CFAP46: variants seen among roughly 807,000 people sequenced by gnomAD.
CFAP46 encodes the protein cilia- and flagella-associated protein 46.
Under a neutral mutation model 325.7 loss-of-function variants are expected in CFAP46, and 245 were observed. That is an observed-to-expected ratio of 0.75 (90% CI 0.68 to 0.84). The LOEUF is 0.84. Among genes scored for constraint, CFAP46 ranks in the 40% least tolerant of loss-of-function variants. The pLI is 0.00. For synonymous variants in CFAP46, 1,523 were observed against 1,495.9 expected, an observed-to-expected ratio of 1.02 and a Z score of -0.42; for missense variants, 3,346 against 3,543.0, an observed-to-expected ratio of 0.94 and a Z score of 1.41.
chr10:132,931,979 C>G (rs373673472), intron 8 of CFAP46, among the ~76,000 whole-genome samples: 39 of 145,568 alleles, frequency 2.7e-4, no homozygotes, highest in African/African-American at 1.0e-3. Context: ...CTTGTCGCCA[C>G]ACAGAGCCTG....
intron 32 of CFAP46, among the ~76,000 whole-genome samples, chr10:132,872,170 T>C (rs756201280): frequency 6.6e-6 from 1 of 152,180 alleles, no homozygotes; most frequent in Non-Finnish European, 1.5e-5. Context: ...ACCTGCAATA[T>C]CTCCAAGATA....
intron 27 of CFAP46, among the ~76,000 whole-genome samples, chr10:132,883,719 GC>G (rs1348776756): frequency 1.2e-4 from 18 of 152,256 alleles, no homozygotes; most frequent in African/African-American, 4.3e-4. Flanking sequence ...AACACAAATA[GC>G]CATCTGTGGA....
chr10:132,845,268 C>T (rs1048756610), intron 44 of CFAP46, among the ~76,000 whole-genome samples: 1 of 152,232 alleles, frequency 6.6e-6, no homozygotes, highest in Admixed American at 6.5e-5. Flanking sequence ...AGGACGGCAG[C>T]TTTCCAGGTT....
chr10:132,848,865 T>C (rs1848487195), intron 41 of CFAP46, among the ~76,000 whole-genome samples: 1 of 152,176 alleles, frequency 6.6e-6, no homozygotes, highest in Non-Finnish European at 1.5e-5. Context: ...GGATAACACC[T>C]TAGACAACGT....
chr10:132,824,796 GCTGT>G (rs1466127779), intron 50 of CFAP46, among the ~76,000 whole-genome samples: 4 of 139,770 alleles, frequency 2.9e-5, no homozygotes, highest in African/African-American at 1.1e-4. Flanking sequence ...GCTGATGTGT[GCTGT>G]CTGTGCGCTG....
Position 132,833,544 on chromosome 10 carries a change from G to A in CFAP46, c.6950-19C>T. ...ACTGTGCCTGGGAAACAGCAGTGCA[G>A]GGAGATCAGCTCCTGAAGACGGGAC... On this transcript the variant is annotated intron_variant, in intron 49 of 57. Transcript: ENST00000368586. 3.1e-6 allele frequency: 5 copies of A among 1,604,982 alleles called. No homozygotes were observed. The highest frequency in any genetic ancestry group is 4.3e-6 in the Non-Finnish European group (5 of 1,172,934).
chr10:132,872,737 C>G lies in CFAP46; in HGVS notation c.4450G>C (p.Gly1484Arg). 1.3e-6 allele frequency: 2 copies of G among 1,550,866 alleles called. No homozygotes were observed. The highest frequency in any genetic ancestry group is 1.7e-6 in the Non-Finnish European group (2 of 1,147,062). Residue 1484 changes from glycine (G) to arginine (R), a missense_variant, in exon 32 of 58, where the codon GGG becomes CGG. Physicochemically the swap from Gly to Arg is moderately radical, Grantham distance 125. Coordinates refer to ENST00000368586, the MANE Select transcript of CFAP46 (RefSeq NM_001200049.3). ...ACCACGGAGTCCGAAATCAGCACCC[C>G]CAACTGCAGGACGGGAACCGTGAGT... ...HELTVPVLQLGVLISDSVVGS... is the reference protein window; with the variant it reads ...HELTVPVLQLRVLISDSVVGS...
chr10:132,816,132 T>C (rs1050400913), intron 50 of CFAP46, among the ~76,000 whole-genome samples: 1 of 152,060 alleles, frequency 6.6e-6, no homozygotes, highest in African/African-American at 2.4e-5. Context: ...TGCCCAGGGG[T>C]TTTGCTACGT....
chr10:132,907,063 T>C (rs1849467236), intron 22 of CFAP46, among the ~76,000 whole-genome samples: 1 of 152,250 alleles, frequency 6.6e-6, no homozygotes, highest in African/African-American at 2.4e-5. Flanking sequence ...CCCACGGGTG[T>C]GGCCGACACA....
intron 50 of CFAP46, among the ~76,000 whole-genome samples, chr10:132,822,373 CTG>C (rs201656704): frequency 1.7e-4 from 21 of 124,640 alleles, no homozygotes; most frequent in African/African-American, 3.9e-4. Context: ...GTGATGTGTG[CTG>C]TGTGTGTGCT....
Position 132,941,977 on chromosome 10 carries a change from T to C in CFAP46, c.174+3A>G, listed in dbSNP as rs1176578677. 3 of 1,551,716 alleles carry C rather than the reference T, an allele frequency of 1.9e-6. No individual in the cohort carries two copies. The highest frequency in any genetic ancestry group is 1.7e-6 in the Non-Finnish European group (2 of 1,146,980). ...CTGACCGAGGATCCCGGGAACTAGT[T>C]ACCTTCAGGGCCTGCTCTGCACACA... On this transcript the variant is annotated splice_donor_region_variant and intron_variant, in intron 2 of 57. Transcript: ENST00000368586.
At chr10:132,840,085 C>G (rs887753972) in intron 44 of CFAP46, among the ~76,000 whole-genome samples, 13 of 152,180 alleles carry the variant, frequency 8.5e-5, no homozygotes, top group Non-Finnish European at 1.5e-4. Context: ...ACTGGTGAAG[C>G]CAGTGGGGTC....
chr10:132,918,440 G>A lies in CFAP46; in HGVS notation c.1939C>T (p.Pro647Ser). 6.5e-7 allele frequency: 1 copy of A among 1,549,424 alleles called. No homozygotes were observed. The highest frequency in any genetic ancestry group is 8.7e-7 in the Non-Finnish European group (1 of 1,146,210). The change falls in exon 16 of 58, where the codon CCC (proline) becomes TCC (serine). Residue 647 changes from proline (P) to serine (S), a missense_variant. Physicochemically the swap from Pro to Ser is moderately conservative, Grantham distance 74. Transcript: ENST00000368586. ...PEVVLQRQVCPDLLRKFAEVG... is the reference protein window; with the variant it reads ...PEVVLQRQVCSDLLRKFAEVG... The stretch of plus-strand genomic sequence containing the variant: ...TCCGCGAACTTCCGCAGCAGGTCGG[G>A]GCACACCTGCCTCTGCAGGACGACC...
chr10:132,846,876 G>A, intron 43 of CFAP46, 56 bp downstream of exon 43: 1 of 1,544,064 alleles, frequency 6.5e-7, no homozygotes, highest in Non-Finnish European at 8.7e-7. Context: ...CTGAAGCCCA[G>A]GGTCCTCCCT....
At chr10:132,913,316 AC>A in intron 17 of CFAP46, 58 bp from the exon 18 acceptor site, 1 of 1,261,428 alleles carries the variant, frequency 7.9e-7, no homozygotes, top group East Asian at 4.6e-5. Flanking sequence ...GGGGCCAGGC[AC>A]CAGGAAGGCT....
chr10:132,899,876 G>A (rs1054144376), intron 22 of CFAP46, among the ~76,000 whole-genome samples: 1 of 152,208 alleles, frequency 6.6e-6, no homozygotes, highest in Non-Finnish European at 1.5e-5. Context: ...GCAGGGCAAG[G>A]GGCTCCTGGT....
At chr10:132,861,509 G>A (rs184667623) in intron 35 of CFAP46, among the ~76,000 whole-genome samples, 3 of 152,302 alleles carry the variant, frequency 2.0e-5, no homozygotes, top group Admixed American at 2.0e-4. Context: ...GAAAGGCTTC[G>A]GGACAGCCAC....
chr10:132,823,012 G>A (rs1428374782), intron 50 of CFAP46, among the ~76,000 whole-genome samples: 1 of 132,672 alleles, frequency 7.5e-6, no homozygotes, highest in East Asian at 2.4e-4. Context: ...GATGTGTGCT[G>A]TGTGTGCTGT....
chr10:132,859,106 A>C lies in CFAP46; in HGVS notation c.5340T>G (p.Cys1780Trp). ...KFIDCGCKEN[C>W]VDVKLERAKI... ...TCGCACGCTCTAGTTTTACGTCAAC[A>C]CAATTCTCTTTGCAGCCACAGTCGA... The change falls in exon 38 of 58, where the codon TGT (cysteine) becomes TGG (tryptophan). Residue 1780 changes from cysteine to tryptophan, a missense_variant. Transcript: ENST00000368586. 1.9e-6 allele frequency: 3 copies of C among 1,550,934 alleles called. No homozygotes were observed. The highest frequency in any genetic ancestry group is 2.6e-6 in the Non-Finnish European group (3 of 1,147,056).
Sources: gnomAD v4.1 joint callset for allele counts (sites outside exome capture counted in the v4.1 genomes callset) on GRCh38, gnomAD v4.1.1 for gene constraint, MANE v1.5 for transcripts, NCBI Gene and HGNC (gene_info 2026-07-23, HGNC 2026-07-21) for gene names.